Variants in PROKR1 observed in about 807,000 individuals in gnomAD.
PROKR1 encodes the protein G protein-coupled receptor 73.
Under a neutral mutation model 22.8 loss-of-function variants are expected in PROKR1, and 21 were observed. The observed-to-expected ratio is 0.92, with a 90% CI of 0.65 to 1.32. PROKR1 has a LOEUF of 1.32. Ranked by LOEUF, PROKR1 falls within the 40% of genes most tolerant of loss-of-function variation. The pLI, the probability that PROKR1 is intolerant of heterozygous loss-of-function variation, is 0.00. For synonymous variants in PROKR1, 193 were observed against 207.5 expected (o/e 0.93, Z 0.60); for missense variants, 548 against 514.2 (o/e 1.07, Z -0.64).
chr2:68,650,909 G>A (rs72835049), intron 2 of PROKR1, among the ~76,000 whole-genome samples: 2,505 of 152,244 alleles, frequency 0.016, 28 homozygotes, highest in Middle Eastern at 0.044. Flanking sequence ...ACAGTGTGTG[G>A]AAAAGCCTAG....
In PROKR1 at chr2:68,645,384, C is replaced by G. The variant is rs143167587; in HGVS notation, c.-160-278C>G. Among the ~76,000 whole-genome samples the G allele has an allele frequency of 7.9e-3, 1,201 of 152,280 alleles. 16 individuals carry two copies. Among genetic ancestry groups the G allele is most frequent in the African/African-American group, 0.026 (1,086 of 41,546 alleles). On this transcript the variant is annotated intron_variant, in intron 1 of 2. Coordinates refer to ENST00000303786, the MANE Select transcript of PROKR1 (RefSeq NM_138964.4). The stretch of plus-strand genomic sequence containing the variant: ...CTTTCTCTTCAGCCTCCCCACACTC[C>G]CAACTTTTGTCCTTGAGAAAAGGTG...
chr2:68,657,686 C>G lies in PROKR1; in HGVS notation c.*2110C>G, dbSNP rs1673500912. 1 of 127,316 alleles carries G rather than the reference C, an allele frequency of 7.9e-6. No individual in the cohort carries two copies. The highest frequency in any genetic ancestry group is 3.6e-5 in the African/African-American group (1 of 27,466). 7.9% of individuals were successfully genotyped at this position (127,316 alleles called of 1,614,324 possible). ...ATTTAACTCTAGAGCAGCGCACTTA[C>G]AAGGTTATTTAAGTGGCACCTGTAT... On this transcript the variant is annotated 3_prime_UTR_variant, in exon 3 of 3. Transcript: ENST00000303786.
At chr2:68,654,053 A>T (rs1473121580) in intron 2 of PROKR1, among the ~76,000 whole-genome samples, 1 of 152,176 alleles carries the variant, frequency 6.6e-6, no homozygotes, top group East Asian at 1.9e-4. Flanking sequence ...AATGACACAC[A>T]TGGCCACATG....
chr2:68,655,515 T>A lies in PROKR1; in HGVS notation c.1121T>A (p.Leu374Gln). Residue 374 changes from leucine to glutamine, a missense_variant, in exon 3 of 3, where the codon CTG becomes CAG. Leu to Gln is a moderately radical substitution (Grantham distance 113). Coordinates refer to ENST00000303786, the MANE Select transcript of PROKR1 (RefSeq NM_138964.4). ...AATGGCGGTAAGTCCAGTGCAGACC[T>A]GGACCTCAAGACAATTGGGATGCCT... is the stretch of plus-strand genomic sequence containing the variant. ...SYNGGKSSAD[L>Q]DLKTIGMPAT... 1.2e-6 allele frequency: 2 copies of A among 1,614,224 alleles called. No homozygotes were observed. Among genetic ancestry groups the A allele is most frequent in the Non-Finnish European group, 1.7e-6 (2 of 1,180,042 alleles).
At position 68,655,740 on chromosome 2, in the gene PROKR1, C is replaced by CAT. The variant is rs1673440910; in HGVS notation, c.*165_*166dup. On this transcript the variant is annotated 3_prime_UTR_variant, in exon 3 of 3. Transcript: ENST00000303786. Reference sequence around the variant, plus strand: ...CAAGGAGCTCAGAGTTTCTAAAATGCATGTGACCAGACACTATCAACAGTG... The same window carrying CAT: ...CAAGGAGCTCAGAGTTTCTAAAATGCATATGTGACCAGACACTATCAACAGTG... The CAT allele has an allele frequency of 1.4e-6, 1 of 699,500 alleles. No individual in the cohort carries two copies. The highest frequency in any genetic ancestry group is 2.5e-6 in the Non-Finnish European group (1 of 408,080). The allele number at this position is 699,500 out of a possible 1,614,324, so 43.3% of individuals were successfully genotyped here.
chr2:68,644,934 G>A (rs958156636), intron 1 of PROKR1, among the ~76,000 whole-genome samples: 5 of 152,168 alleles, frequency 3.3e-5, no homozygotes, highest in Admixed American at 6.5e-5. Flanking sequence ...GCCTGAGAGC[G>A]CAGTAGTAAC....
Position 68,658,072 on chromosome 2 carries a change from A to T in PROKR1, c.*2496A>T, listed in dbSNP as rs987899133. 1.3e-5 allele frequency: 2 copies of T among 152,224 alleles called. No homozygotes were observed. The highest frequency in any genetic ancestry group is 4.8e-5 in the African/African-American group (2 of 41,458). 9.4% of individuals were successfully genotyped at this position (152,224 alleles called of 1,614,324 possible). On this transcript the variant is annotated 3_prime_UTR_variant, in exon 3 of 3. Coordinates refer to ENST00000303786, the MANE Select transcript of PROKR1 (RefSeq NM_138964.4). ...TGCTAAACAAGAGTTGATTGTATTAAACAGGAGCTTTTTATATGCGGCAAC... is the reference window on the plus strand; with the variant it reads ...TGCTAAACAAGAGTTGATTGTATTATACAGGAGCTTTTTATATGCGGCAAC...
chr2:68,650,718 A>G (rs1375511559), intron 2 of PROKR1, among the ~76,000 whole-genome samples: 4 of 152,228 alleles, frequency 2.6e-5, no homozygotes, highest in Admixed American at 1.3e-4. Context: ...GAGAACTAAC[A>G]CTTACAAAAC....
At position 68,655,211 on chromosome 2, in the gene PROKR1, C is replaced by A; in HGVS notation, c.817C>A (p.Arg273Ser). The A allele has an allele frequency of 6.2e-7, 1 of 1,614,222 alleles. No homozygotes were observed. Among genetic ancestry groups the A allele is most frequent in the Non-Finnish European group, 8.5e-7 (1 of 1,180,046 alleles). Residue 273 changes from arginine to serine, a missense_variant, in exon 3 of 3, where the codon CGC becomes AGC. By Grantham distance (110) the Arg-to-Ser change is moderately radical. Transcript: ENST00000303786. ...AVPGFQTEQI[R>S]KRLRCRRKTV... ...CCCTGGATTCCAGACAGAGCAGATC[C>A]GCAAGAGGCTGCGCTGCCGCAGGAA...
Position 68,656,445 on chromosome 2 carries a change from G to A in PROKR1, c.*869G>A, listed in dbSNP as rs979768633. 4 of 152,298 alleles carry A rather than the reference G, an allele frequency of 2.6e-5. No individual in the cohort carries two copies. The highest frequency in any genetic ancestry group is 9.7e-5 in the African/African-American group (4 of 41,442). 9.4% of individuals were successfully genotyped at this position (152,298 alleles called of 1,614,324 possible). On this transcript the variant is annotated 3_prime_UTR_variant, in exon 3 of 3. Coordinates refer to ENST00000303786, the MANE Select transcript of PROKR1 (RefSeq NM_138964.4). ...GCAGGGCTCAATGCAGCTCAGGTGTGGCAGGGGCTCAGGCTCTCCAGGTAT... is the reference window on the plus strand; with the variant it reads ...GCAGGGCTCAATGCAGCTCAGGTGTAGCAGGGGCTCAGGCTCTCCAGGTAT...
Position 68,655,336 on chromosome 2 carries a change from T to C in PROKR1, c.942T>C (p.Phe314=), listed in dbSNP as rs6722313. The C allele has an allele frequency of 0.31, 505,109 of 1,614,066 alleles. 84,324 individuals carry two copies. Among genetic ancestry groups the C allele is most frequent in the African/African-American group, 0.62 (46,211 of 74,996 alleles). The change falls in exon 3 of 3, where the codon TTT becomes TTC. Residue 314 remains phenylalanine, a synonymous_variant. Transcript: ENST00000303786. ...TGCGCGACTTCTTCCCCACCGTGTT[T>C]GTGAAGGAGAAGCACTACCTCACTG... ...TIVRDFFPTV[F]VKEKHYLTAF... is the part of the protein sequence containing the mutation.
intron 2 of PROKR1, among the ~76,000 whole-genome samples, chr2:68,646,720 C>T (rs534207356): frequency 6.6e-6 from 1 of 152,234 alleles, no homozygotes; most frequent in African/African-American, 2.4e-5. Flanking sequence ...AAAATATGAC[C>T]TTCTAGCATC....
chr2:68,654,038 C>T (rs80153994), intron 2 of PROKR1, among the ~76,000 whole-genome samples: 9,115 of 152,218 alleles, frequency 0.06, 457 homozygotes, highest in Admixed American at 0.11. Context: ...ATTTTTCCAC[C>T]TGAAAATGAC....
At chr2:68,649,422 A>C (rs1048785153) in intron 2 of PROKR1, 8 of 152,238 alleles carry the variant, frequency 5.3e-5, no homozygotes, top group African/African-American at 1.9e-4. Context: ...CTCCCCTGAC[A>C]ATCCATCCTA....
chr2:68,644,884 A>G (rs1673140868), intron 1 of PROKR1, among the ~76,000 whole-genome samples: 1 of 152,078 alleles, frequency 6.6e-6, no homozygotes, highest in African/African-American at 2.4e-5. Flanking sequence ...GAGTCCCTGT[A>G]TCAGGATTTC....
intron 2 of PROKR1, among the ~76,000 whole-genome samples, chr2:68,652,755 A>G (rs534547111): frequency 6.6e-6 from 1 of 152,324 alleles, no homozygotes; most frequent in African/African-American, 2.4e-5. Context: ...CATCTAGGTG[A>G]TATTCCCATT....
In PROKR1 at chr2:68,656,724, T is replaced by C. The variant is rs914704680; in HGVS notation, c.*1148T>C. On this transcript the variant is annotated 3_prime_UTR_variant, in exon 3 of 3. Transcript: ENST00000303786. ...GATATGATTTGAGGGCAAGATATCC[T>C]TATTACTGGCACCTGAATCCCATCC... 2.0e-5 allele frequency: 3 copies of C among 152,232 alleles called. No individual in the cohort carries two copies. The highest frequency in any genetic ancestry group is 4.4e-5 in the Non-Finnish European group (3 of 68,054). 9.4% of individuals were successfully genotyped at this position (152,232 alleles called of 1,614,324 possible). A position where few individuals can be genotyped will look rare whatever the true frequency, so the allele number is the denominator to read the frequency against.
chr2:68,647,039 C>A (rs568584137), intron 2 of PROKR1, among the ~76,000 whole-genome samples: 35 of 151,800 alleles, frequency 2.3e-4, no homozygotes, highest in African/African-American at 8.0e-4. Context: ...CAGAGGGAGA[C>A]CTTGTCTCTA....
chr2:68,652,463 G>GCCT (rs957354317), intron 2 of PROKR1, among the ~76,000 whole-genome samples: 2 of 152,304 alleles, frequency 1.3e-5, no homozygotes, highest in Admixed American at 6.5e-5. Context: ...CACTAATTCT[G>GCCT]CGGATGGAGT....
Sources: allele counts gnomAD v4.1 joint callset (sites outside exome capture counted in the v4.1 genomes callset), GRCh38; gene constraint gnomAD v4.1.1; transcripts MANE v1.5; gene names NCBI Gene and HGNC (gene_info 2026-07-23, HGNC 2026-07-21).